PRKAG2: variants seen among roughly 807,000 people sequenced by gnomAD.
PRKAG2 encodes protein kinase AMP-activated non-catalytic subunit gamma 2.
PRKAG2 carries 26 observed loss-of-function variants against 69.6 expected under a neutral mutation model. The ratio of observed to expected loss-of-function variants is 0.37; its 90% CI spans 0.27 to 0.52. The LOEUF (loss-of-function observed/expected upper bound fraction) is 0.52, where lower values mean the gene tolerates loss of function less well. Ranked by LOEUF, PRKAG2 falls within the 20% of genes least tolerant of loss-of-function variation. The pLI is 0.90. For missense variants in PRKAG2, 557 were observed against 740.0 expected, an observed-to-expected ratio of 0.75 and a Z score of 2.87; for synonymous variants, 293 against 285.0, an observed-to-expected ratio of 1.03 and a Z score of -0.28.
At chr7:151,619,016 G>GA (rs1820850394) in intron 5 of PRKAG2, among the ~76,000 whole-genome samples, 1 of 152,118 alleles carries the variant, frequency 6.6e-6, no homozygotes, top group South Asian at 2.1e-4. Context: ...GAGTTATTAG[G>GA]AAAGAAGAAA....
intron 2 of PRKAG2, among the ~76,000 whole-genome samples, chr7:151,785,866 C>T (rs958731574): frequency 2.0e-5 from 3 of 151,924 alleles, no homozygotes; most frequent in Admixed American, 2.0e-4. Context: ...CCCACCCCAC[C>T]CCACACTCTT....
At chr7:151,752,622 C>A (rs989328173) in intron 3 of PRKAG2, among the ~76,000 whole-genome samples, 2 of 152,024 alleles carry the variant, frequency 1.3e-5, no homozygotes, top group Admixed American at 6.5e-5. Context: ...GAATAGGATA[C>A]AAATCCATGA....
At chr7:151,840,745 C>T (rs1031450997) in intron 1 of PRKAG2, among the ~76,000 whole-genome samples, 2 of 152,372 alleles carry the variant, frequency 1.3e-5, no homozygotes, top group Admixed American at 1.3e-4. Flanking sequence ...CGGCCCCAAG[C>T]CGGCCTGCTT....
chr7:151,862,717 C>G lies in PRKAG2; in HGVS notation c.114+13790G>C, dbSNP rs545743498. 7.7e-4 allele frequency among the ~76,000 whole-genome samples: 118 copies of G among 152,300 alleles called. 2 individuals carry two copies. The highest frequency in any genetic ancestry group is 2.8e-3 in the African/African-American group (115 of 41,558). On this transcript the variant is annotated intron_variant, in intron 1 of 15. Coordinates refer to ENST00000287878, the MANE Select transcript of PRKAG2 (RefSeq NM_016203.4). ...ATTTTATGAGAAAGGGACGCGGTGC[C>G]GTGGATGCCGTGGTGTGGCTCCCGG...
chr7:151,829,766 A>G (rs2078982560), intron 1 of PRKAG2, among the ~76,000 whole-genome samples: 1 of 152,016 alleles, frequency 6.6e-6, no homozygotes, highest in Admixed American at 6.6e-5. Context: ...AAGAAGTCAT[A>G]AAAGACCAAA....
intron 1 of PRKAG2, among the ~76,000 whole-genome samples, chr7:151,875,434 C>T (rs78376945): frequency 0.055 from 8,424 of 152,302 alleles, 335 homozygotes; most frequent in East Asian, 0.19. Flanking sequence ...TGGCCTGCCT[C>T]GGCCATGCCA....
chr7:151,653,927 T>C (rs1460333224), intron 4 of PRKAG2, among the ~76,000 whole-genome samples: 1 of 152,216 alleles, frequency 6.6e-6, no homozygotes, highest in Non-Finnish European at 1.5e-5. Flanking sequence ...GACAGAAATC[T>C]GTCAAATTTC....
At chr7:151,717,727 T>C (rs1352190708) in intron 3 of PRKAG2, among the ~76,000 whole-genome samples, 1 of 152,208 alleles carries the variant, frequency 6.6e-6, no homozygotes, top group Non-Finnish European at 1.5e-5. Context: ...GAAAAAGCTT[T>C]GGATCTGGCT....
At position 151,832,605 on chromosome 7, in the gene PRKAG2, G is replaced by T. The variant is rs548305936; in HGVS notation, c.114+43902C>A. On this transcript the variant is annotated intron_variant, in intron 1 of 15. Coordinates refer to ENST00000287878, the MANE Select transcript of PRKAG2 (RefSeq NM_016203.4). ...GCACTGAGGCATCTCTGGGGGGGGG[G>T]TCCCAGCACAGCCCACCCTGGGTCC... 4.2e-3 allele frequency among the ~76,000 whole-genome samples: 641 copies of T among 151,120 alleles called. 9 individuals carry two copies. Among genetic ancestry groups the T allele is most frequent in the African/African-American group, 0.014 (593 of 41,196 alleles).
chr7:151,744,236 T>C (rs1025607281), intron 3 of PRKAG2, among the ~76,000 whole-genome samples: 21 of 152,094 alleles, frequency 1.4e-4, no homozygotes, highest in African/African-American at 4.8e-4. Context: ...TCTCAGCCGG[T>C]GCCCCGGGGC....
chr7:151,723,375 G>A (rs575297781), intron 3 of PRKAG2, among the ~76,000 whole-genome samples: 3 of 152,152 alleles, frequency 2.0e-5, no homozygotes, highest in Non-Finnish European at 4.4e-5. Context: ...TGACGCATTC[G>A]AGCTAGACTT....
Position 151,576,358 on chromosome 7 carries a change from C to A in PRKAG2, c.946+13G>T. ...TTTCCATTTTCGATTTTCCTCAGGCCCACACTGCTTACCTACAAAACTTTG... is the reference window on the plus strand; with the variant it reads ...TTTCCATTTTCGATTTTCCTCAGGCACACACTGCTTACCTACAAAACTTTG... On this transcript the variant is annotated intron_variant, in intron 7 of 15. Coordinates refer to ENST00000287878, the MANE Select transcript of PRKAG2 (RefSeq NM_016203.4). 1 of 1,579,428 alleles carries A rather than the reference C, an allele frequency of 6.3e-7. No individual in the cohort carries two copies. Among genetic ancestry groups the A allele is most frequent in the South Asian group, 1.1e-5 (1 of 90,050 alleles).
At chr7:151,783,378 C>T (rs1420822832) in intron 2 of PRKAG2, among the ~76,000 whole-genome samples, 1 of 152,104 alleles carries the variant, frequency 6.6e-6, no homozygotes, top group Non-Finnish European at 1.5e-5. Flanking sequence ...CTCCCTCTGT[C>T]GCTCAAGGCT....
intron 1 of PRKAG2, among the ~76,000 whole-genome samples, chr7:151,852,368 G>A (rs1362467692): frequency 2.6e-5 from 4 of 152,264 alleles, no homozygotes; most frequent in Admixed American, 1.3e-4. Context: ...GGTAGCACAC[G>A]CATGTAATCC....
intron 3 of PRKAG2, among the ~76,000 whole-genome samples, chr7:151,689,110 CATAGTCGTTTTTAAAATCTGTA>C (rs1484081704): frequency 6.6e-6 from 1 of 152,238 alleles, no homozygotes; most frequent in Non-Finnish European, 1.5e-5. Context: ...GCTTCCAGAG[CATAGTCGTTTTTAAAATCTGTA>C]ATAGTACCTG....
At chr7:151,782,954 G>A (rs1281742774) in intron 2 of PRKAG2, among the ~76,000 whole-genome samples, 3 of 152,216 alleles carry the variant, frequency 2.0e-5, no homozygotes, top group Middle Eastern at 3.2e-3. Context: ...GGGCAGACGC[G>A]GGAAATACTG....
At chr7:151,774,289 T>A (rs767820141) in intron 3 of PRKAG2, among the ~76,000 whole-genome samples, 1 of 152,034 alleles carries the variant, frequency 6.6e-6, no homozygotes, top group Non-Finnish European at 1.5e-5. Context: ...AGAAGAAAGG[T>A]CTGGTTCTCT....
chr7:151,669,263 A>G (rs1246332216), intron 4 of PRKAG2, among the ~76,000 whole-genome samples: 1 of 152,182 alleles, frequency 6.6e-6, no homozygotes, highest in African/African-American at 2.4e-5. Flanking sequence ...AGCTATCTAC[A>G]CTAGAGATCA....
chr7:151,562,802 C>G (rs868529659), intron 14 of PRKAG2, among the ~76,000 whole-genome samples: 4 of 132,138 alleles, frequency 3.0e-5, no homozygotes, highest in Non-Finnish European at 6.3e-5. Flanking sequence ...CCCGTCTCTA[C>G]TAAAAATACA....
Sources: allele counts gnomAD v4.1 joint callset (sites outside exome capture counted in the v4.1 genomes callset), GRCh38; gene constraint gnomAD v4.1.1; transcripts MANE v1.5; gene names NCBI Gene and HGNC (gene_info 2026-07-23, HGNC 2026-07-21).